Variants in SNRPD3 observed in about 807,000 individuals in gnomAD.
The protein encoded by SNRPD3 is small nuclear ribonucleoprotein D3 polypeptide.
For synonymous variants in SNRPD3, 66 were observed against 58.4 expected (o/e 1.13, Z -0.59); for missense variants, 73 against 167.5 (o/e 0.44, Z 3.11).
At chr22:24,561,696 C>T (rs546695370) in intron 2 of SNRPD3, among the ~76,000 whole-genome samples, 1 of 152,272 alleles carries the variant, frequency 6.6e-6, no homozygotes, top group Admixed American at 6.5e-5. Flanking sequence ...TGTTCAATAA[C>T]ATTTTCTGTT....
chr22:24,558,978 A>G (rs1010381197), intron 2 of SNRPD3, among the ~76,000 whole-genome samples: 19 of 152,196 alleles, frequency 1.2e-4, no homozygotes, highest in Non-Finnish European at 2.9e-5. Context: ...TAAGACTGCC[A>G]CAGGGGTAAT....
chr22:24,570,910 C>T (rs1569028168), intron 3 of SNRPD3, among the ~76,000 whole-genome samples: 1 of 151,108 alleles, frequency 6.6e-6, no homozygotes, highest in African/African-American at 2.4e-5. Flanking sequence ...CCTCCAACTC[C>T]CAGGTTCAAG....
chr22:24,560,713 G>A lies in SNRPD3; in HGVS notation c.126+2913G>A, dbSNP rs2045129964. Among the ~76,000 whole-genome samples the A allele has an allele frequency of 2.3e-4, 2 of 8,756 alleles. 1 individual carries two copies. The allele number at this position is 8,756 out of a possible 152,430, so 5.7% of individuals were successfully genotyped here. On this transcript the variant is annotated intron_variant, in intron 2 of 3. Transcript: ENST00000215829. ...TTACAGGCGTGAGCCACTGCACCTG[G>A]CCTTTTTTTTTTTTTTTTTTTTTTT...
At chr22:24,570,681 T>G (rs1027063966) in intron 3 of SNRPD3, among the ~76,000 whole-genome samples, 2 of 151,760 alleles carry the variant, frequency 1.3e-5, no homozygotes, top group Non-Finnish European at 2.9e-5. Context: ...AGACTCCATC[T>G]CAAAAAAAAA....
At chr22:24,560,978 A>G (rs755488182) in intron 2 of SNRPD3, among the ~76,000 whole-genome samples, 2 of 146,912 alleles carry the variant, frequency 1.4e-5, no homozygotes, top group African/African-American at 2.5e-5. Context: ...AGCTGAGGCA[A>G]TCTGCCCACC....
At chr22:24,565,404 C>T (rs561090317) in intron 2 of SNRPD3, among the ~76,000 whole-genome samples, 2 of 152,092 alleles carry the variant, frequency 1.3e-5, no homozygotes, top group African/African-American at 2.4e-5. Context: ...CATGAGCTGC[C>T]GTGGGGAAAT....
In SNRPD3 at chr22:24,560,369, G is replaced by A. The variant is rs190637753; in HGVS notation, c.126+2569G>A. 2.5e-3 allele frequency among the ~76,000 whole-genome samples: 366 copies of A among 145,692 alleles called. 2 individuals carry two copies. Among genetic ancestry groups the A allele is most frequent in the African/African-American group, 5.6e-3 (222 of 39,436 alleles). ...GAACTCCTGACCTTGTGATCTGCTC[G>A]CCTCGACCTCCCAAAGTGCTGGGAT... On this transcript the variant is annotated intron_variant, in intron 2 of 3. Coordinates refer to ENST00000215829, the MANE Select transcript of SNRPD3 (RefSeq NM_004175.5).
At chr22:24,568,347 A>G (rs917387482) in intron 3 of SNRPD3, among the ~76,000 whole-genome samples, 171 bp downstream of exon 3, 1 of 151,504 alleles carries the variant, frequency 6.6e-6, no homozygotes, top group East Asian at 1.9e-4. Context: ...TGAGGCCATT[A>G]TTTTATTTTT....
chr22:24,557,324 G>T (rs2045084699), intron 1 of SNRPD3, among the ~76,000 whole-genome samples: 1 of 152,148 alleles, frequency 6.6e-6, no homozygotes, highest in Non-Finnish European at 1.5e-5. Context: ...CCCCTCCCCT[G>T]ACACACACAG....
At chr22:24,561,071 T>C (rs1223869708) in intron 2 of SNRPD3, among the ~76,000 whole-genome samples, 3 of 125,146 alleles carry the variant, frequency 2.4e-5, no homozygotes, top group African/African-American at 9.3e-5. Context: ...TTTCTTTTTT[T>C]TTTTTTTTTT....
At chr22:24,565,870 A>G (rs1476844787) in intron 2 of SNRPD3, among the ~76,000 whole-genome samples, 3 of 152,002 alleles carry the variant, frequency 2.0e-5, no homozygotes, top group Non-Finnish European at 4.4e-5. Context: ...CGTGTTTGCC[A>G]GACTGGTCTC....
chr22:24,557,525 C>G, intron 1 of SNRPD3, 132 bp from the exon 2 acceptor site: 1 of 550,364 alleles, frequency 1.8e-6, no homozygotes, highest in Non-Finnish European at 3.1e-6. Flanking sequence ...TTTTTTTTTC[C>G]TTGGTAGAAA....
Position 24,574,919 on chromosome 22 carries a change from T to C in SNRPD3, c.*2942T>C, listed in dbSNP as rs1266341408. Among the ~76,000 whole-genome samples the C allele has an allele frequency of 6.6e-6, 1 of 152,230 alleles. No individual in the cohort carries two copies. The highest frequency in any genetic ancestry group is 1.5e-5 in the Non-Finnish European group (1 of 68,046). On this transcript the variant is annotated 3_prime_UTR_variant, in exon 4 of 4. Coordinates refer to ENST00000215829, the MANE Select transcript of SNRPD3 (RefSeq NM_004175.5). ...ATCTCCCTGATATTGTAATTCTGGT[T>C]AGATCATATTCAGTGTCAAATTATT...
chr22:24,571,990 A>C lies in SNRPD3; in HGVS notation c.*13A>C, dbSNP rs768484185. On this transcript the variant is annotated 3_prime_UTR_variant, in exon 4 of 4. Coordinates refer to ENST00000215829, the MANE Select transcript of SNRPD3 (RefSeq NM_004175.5). ...AAAGCGAAGATAATTTTCTAAGTTGAACAGAACTTTGTCCTTTTTTCTTTC... is the reference window on the plus strand; with the variant it reads ...AAAGCGAAGATAATTTTCTAAGTTGCACAGAACTTTGTCCTTTTTTCTTTC... 1 of 1,613,924 alleles carries C rather than the reference A, an allele frequency of 6.2e-7. No homozygotes were observed. The highest frequency in any genetic ancestry group is 1.3e-5 in the African/African-American group (1 of 75,048).
Position 24,557,747 on chromosome 22 carries a change from G to C in SNRPD3, c.73G>C (p.Gly25Arg). 6.2e-7 allele frequency: 1 copy of C among 1,612,112 alleles called. No homozygotes were observed. Among genetic ancestry groups the C allele is most frequent in the Non-Finnish European group, 8.5e-7 (1 of 1,179,088 alleles). ...CATTGTGACATGTGAGACGAACACC[G>C]GTGAGGTATATCGGGGGAAGCTCAT... is the stretch of plus-strand genomic sequence containing the variant. The part of the protein sequence containing the change: ...GHIVTCETNT[G>R]EVYRGKLIEA... Residue 25 changes from glycine (G) to arginine (R), a missense_variant, in exon 2 of 4, where the codon GGT becomes CGT. Physicochemically the swap from Gly to Arg is moderately radical, Grantham distance 125. Transcript: ENST00000215829.
At chr22:24,567,660 C>T (rs1455715617) in intron 2 of SNRPD3, among the ~76,000 whole-genome samples, 2 of 152,094 alleles carry the variant, frequency 1.3e-5, no homozygotes, top group Non-Finnish European at 2.9e-5. Flanking sequence ...GCAGGAGAAT[C>T]GCTTGAACCC....
At chr22:24,562,955 A>T (rs1190123673) in intron 2 of SNRPD3, among the ~76,000 whole-genome samples, 1 of 152,256 alleles carries the variant, frequency 6.6e-6, no homozygotes, top group Admixed American at 6.5e-5. Flanking sequence ...TGGCACTCAG[A>T]TACAGGAGAC....
At chr22:24,568,812 C>T (rs1342046101) in intron 3 of SNRPD3, among the ~76,000 whole-genome samples, 1 of 152,208 alleles carries the variant, frequency 6.6e-6, no homozygotes. Context: ...GCCTCAGCCT[C>T]CCAAAGTGCT....
rs746135768 is a variant in SNRPD3, at chr22:24,573,698, T to TGTTAA, written c.*1722_*1726dup. Reference sequence around the variant, plus strand: ...GAGACTAGCCTGGGCTGTTAAGCTTTGTTAACCAAGACCGCATCTCTACAA... The same window carrying TGTTAA: ...GAGACTAGCCTGGGCTGTTAAGCTTTGTTAAGTTAACCAAGACCGCATCTCTACAA... On this transcript the variant is annotated 3_prime_UTR_variant, in exon 4 of 4. Coordinates refer to ENST00000215829, the MANE Select transcript of SNRPD3 (RefSeq NM_004175.5). Among the ~76,000 whole-genome samples the TGTTAA allele has an allele frequency of 1.3e-4, 20 of 152,316 alleles. No homozygotes were observed. The highest frequency in any genetic ancestry group is 1.8e-4 in the Non-Finnish European group (12 of 68,034).
Sources: allele counts gnomAD v4.1 joint callset (sites outside exome capture counted in the v4.1 genomes callset), GRCh38; gene constraint gnomAD v4.1.1; transcripts MANE v1.5; gene names NCBI Gene and HGNC (gene_info 2026-07-23, HGNC 2026-07-21).